Variants in OR52N5 observed in about 807,000 individuals in gnomAD.
The protein encoded by OR52N5 is olfactory receptor 52N5.
OR52N5 carries 10 observed loss-of-function variants against 14.1 expected under a neutral mutation model. That is an observed-to-expected ratio of 0.71 (90% CI 0.44 to 1.20). OR52N5 has a LOEUF of 1.20. Among genes scored for constraint, OR52N5 ranks in the 50% most tolerant of loss-of-function variants. The pLI is 0.00. For missense variants in OR52N5, 361 were observed against 403.2 expected (o/e 0.90, Z 0.90); for synonymous variants, 116 against 143.0 (o/e 0.81, Z 1.35).
rs140721713 is a variant in OR52N5, at chr11:5,778,040, C to T, written c.595G>A (p.Ala199Thr). The T allele has an allele frequency of 3.3e-4, 504 of 1,520,974 alleles. 105 individuals are homozygous for T. In the South Asian group the frequency reaches 5.5e-3, roughly 17 times the overall value. 94.2% of individuals were successfully genotyped at this position (1,520,974 alleles called of 1,614,324 possible). The change falls in exon 3 of 3, where the codon GCC becomes ACC. Residue 199 changes from alanine to threonine, a missense_variant. By Grantham distance (58) the Ala-to-Thr change is moderately conservative. Coordinates refer to ENST00000641181, the MANE Select transcript of OR52N5 (RefSeq NM_001385662.1). The part of the protein sequence containing the change: ...DHMSVVKLSC[A>T]SIKVNVIYGL... ...TAGATTACATTGACCTTGATGCTGG[C>T]ACAAGATAGCTTTACTACAGACATG...
intron 2 of OR52N5, among the ~76,000 whole-genome samples, chr11:5,779,196 C>A (rs1482038811): frequency 7.1e-6 from 1 of 140,252 alleles, no homozygotes; most frequent in Admixed American, 7.3e-5. Flanking sequence ...CTTTATGTCA[C>A]TCTCCAAGCC....
Position 5,778,895 on chromosome 11 carries a change from A to G in OR52N5, c.-23-238T>C, listed in dbSNP as rs1214606319. ...GTTGTATTTTTTTTACCACAAAATA[A>G]AAGTAGAAACTGGGGCGCAGAAAGA... On this transcript the variant is annotated intron_variant, in intron 2 of 2. Coordinates refer to ENST00000641181, the MANE Select transcript of OR52N5 (RefSeq NM_001385662.1). Among the ~76,000 whole-genome samples, 2 of 140,184 alleles carry G rather than the reference A, an allele frequency of 1.4e-5. 1 individual carries two copies. The highest frequency in any genetic ancestry group is 3.2e-5 in the Non-Finnish European group (2 of 63,364). 92.0% of individuals were successfully genotyped at this position (140,184 alleles called of 152,430 possible). A position where few individuals can be genotyped will look rare whatever the true frequency, so the allele number is the denominator to read the frequency against.
At position 5,778,192 on chromosome 11, in the gene OR52N5, G is replaced by T; in HGVS notation, c.443C>A (p.Pro148His). Residue 148 changes from proline to histidine, a missense_variant, in exon 3 of 3, where the codon CCT becomes CAT. Pro to His is a moderately conservative substitution (Grantham distance 77, BLOSUM62 -2). Coordinates refer to ENST00000641181, the MANE Select transcript of OR52N5 (RefSeq NM_001385662.1). ...GGCAAGCTCAGCCTTGGCAATGATAGGGTTGGTGAGTGTGGTAGCATAACG... is the reference window on the plus strand; with the variant it reads ...GGCAAGCTCAGCCTTGGCAATGATATGGTTGGTGAGTGTGGTAGCATAACG... ...PLRYATTLTN[P>H]IIAKAELATF... The T allele has an allele frequency of 2.6e-6, 4 of 1,520,572 alleles. 1 individual carries two copies. In the South Asian group the frequency reaches 3.5e-5, roughly 13 times the overall value. The allele number at this position is 1,520,572 out of a possible 1,614,324, so 94.2% of individuals were successfully genotyped here. A position where few individuals can be genotyped will look rare whatever the true frequency, so the allele number is the denominator to read the frequency against.
Position 5,778,656 on chromosome 11 carries a change from T to C in OR52N5, c.-22A>G. On this transcript the variant is annotated splice_region_variant and 5_prime_UTR_variant, in exon 3 of 3. It removes an upstream start codon present in the reference 5' UTR. Coordinates refer to ENST00000641181, the MANE Select transcript of OR52N5 (RefSeq NM_001385662.1). ...GCATTCTATTTTTCCAGAAGTTTCA[T>C]CCTGAAGAGAAGGAATTATGAAACA... 1 of 1,360,252 alleles carries C rather than the reference T, an allele frequency of 7.4e-7. No homozygotes were observed. Among genetic ancestry groups the C allele is most frequent in the Non-Finnish European group, 9.9e-7 (1 of 1,009,600 alleles). The allele number at this position is 1,360,252 out of a possible 1,614,324, so 84.3% of individuals were successfully genotyped here. A position where few individuals can be genotyped will look rare whatever the true frequency, so the allele number is the denominator to read the frequency against.
In OR52N5 at chr11:5,778,134, A is replaced by G; in HGVS notation, c.501T>C (p.Pro167=). Residue 167 remains proline, a synonymous_variant, in exon 3 of 3, where the codon CCT becomes CCC. Coordinates refer to ENST00000641181, the MANE Select transcript of OR52N5 (RefSeq NM_001385662.1). ...TFLRGVLLMI[P]FPFLVKRLPF... ...GCAAACGCTTAACCAAGAATGGGAAAGGAATCATCAGCAATACACCCCTCA... is the reference window on the plus strand; with the variant it reads ...GCAAACGCTTAACCAAGAATGGGAAGGGAATCATCAGCAATACACCCCTCA... 2 of 1,521,516 alleles carry G rather than the reference A, an allele frequency of 1.3e-6. No individual in the cohort carries two copies. Among genetic ancestry groups the G allele is most frequent in the Non-Finnish European group, 9.0e-7 (1 of 1,114,748 alleles). 94.3% of individuals were successfully genotyped at this position (1,521,516 alleles called of 1,614,324 possible). A position where few individuals can be genotyped will look rare whatever the true frequency, so the allele number is the denominator to read the frequency against.
In OR52N5 at chr11:5,778,154, C is replaced by T. The variant is rs143269628; in HGVS notation, c.481G>A (p.Gly161Ser). The T allele has an allele frequency of 2.6e-6, 4 of 1,520,870 alleles. No individual in the cohort carries two copies. The highest frequency in any genetic ancestry group is 3.6e-6 in the Non-Finnish European group (4 of 1,114,548). The allele number at this position is 1,520,870 out of a possible 1,614,324, so 94.2% of individuals were successfully genotyped here. The change falls in exon 3 of 3, where the codon GGT becomes AGT. Residue 161 changes from glycine (G) to serine (S), a missense_variant. Physicochemically the swap from Gly to Ser is moderately conservative, Grantham distance 56 (BLOSUM62 0). Coordinates refer to ENST00000641181, the MANE Select transcript of OR52N5 (RefSeq NM_001385662.1). ...AKAELATFLR[G>S]VLLMIPFPFL... is the part of the protein sequence containing the mutation. ...GGGAAAGGAATCATCAGCAATACAC[C>T]CCTCAGGAAGGTGGCAAGCTCAGCC...
rs765531222 is a variant in OR52N5 at position 5,777,709 on chromosome 11, A to G, written c.926T>C (p.Ile309Thr). 3 of 1,507,836 alleles carry G rather than the reference A, an allele frequency of 2.0e-6. 1 individual carries two copies. The highest frequency in any genetic ancestry group is 2.4e-5 in the South Asian group (2 of 83,440). 93.4% of individuals were successfully genotyped at this position (1,507,836 alleles called of 1,614,324 possible). Reference protein sequence around the residue: ...PIVYGVKTKQIRKSVIKFFQG... With the variant: ...PIVYGVKTKQTRKSVIKFFQG... ...GAAGAACTTTATGACACTCTTGCGT[A>G]TCTGTTTTGTCTTTACTCCATAAAC... The change falls in exon 3 of 3, where the codon ATA becomes ACA. Residue 309 changes from isoleucine (I) to threonine (T), a missense_variant. By Grantham distance (89) the Ile-to-Thr change is moderately conservative. Coordinates refer to ENST00000641181, the MANE Select transcript of OR52N5 (RefSeq NM_001385662.1).
chr11:5,780,852 G>GA lies in OR52N5; in HGVS notation c.-24+680dup, dbSNP rs538392717. 7.2e-5 allele frequency among the ~76,000 whole-genome samples: 10 copies of GA among 139,444 alleles called. 1 individual carries two copies. The South Asian group carries it at 2.1e-3, about 30-fold the overall frequency. The allele number at this position is 139,444 out of a possible 152,430, so 91.5% of individuals were successfully genotyped here. On this transcript the variant is annotated intron_variant, in intron 2 of 2. Coordinates refer to ENST00000641181, the MANE Select transcript of OR52N5 (RefSeq NM_001385662.1). ...GAAAACTGAATATCCACACTCAGAA[G>GA]AAAAAAATTAGACCCTTATCTCATA...
Position 5,777,449 on chromosome 11 carries a change from T to TA in OR52N5, c.*210dup, listed in dbSNP as rs1310489914. ...AATAAATTGAGTTAAACTCATTTTT[T>TA]AAAAACTGGCAATAGACAAAAATTA... On this transcript the variant is annotated 3_prime_UTR_variant, in exon 3 of 3. Transcript: ENST00000641181. 4 of 327,010 alleles carry TA rather than the reference T, an allele frequency of 1.2e-5. 1 individual carries two copies. The highest frequency in any genetic ancestry group is 5.0e-5 in the Admixed American group (1 of 20,078). 20.3% of individuals were successfully genotyped at this position (327,010 alleles called of 1,614,324 possible).
At position 5,778,598 on chromosome 11, in the gene OR52N5, T is replaced by C; in HGVS notation, c.37A>G (p.Ile13Val). 1 of 1,484,104 alleles carries C rather than the reference T, an allele frequency of 6.7e-7. No individual in the cohort carries two copies. The highest frequency in any genetic ancestry group is 9.2e-7 in the Non-Finnish European group (1 of 1,088,500). 91.9% of individuals were successfully genotyped at this position (1,484,104 alleles called of 1,614,324 possible). A position where few individuals can be genotyped will look rare whatever the true frequency, so the allele number is the denominator to read the frequency against. ...ATAAAAGATGGAGGAGTCACATGAATTGTTGGAAACCAGCATAATGAATTA... is the reference window on the plus strand; with the variant it reads ...ATAAAAGATGGAGGAGTCACATGAACTGTTGGAAACCAGCATAATGAATTA... ...LFNSLCWFPT[I>V]HVTPPSFILN... Residue 13 changes from isoleucine (I) to valine (V), a missense_variant, in exon 3 of 3, where the codon ATT becomes GTT. Ile to Val is a conservative substitution (Grantham distance 29). Coordinates refer to ENST00000641181, the MANE Select transcript of OR52N5 (RefSeq NM_001385662.1).
At chr11:5,783,254 C>T (rs1395783537) in intron 1 of OR52N5, 41 bp downstream of exon 1, 1 of 140,014 alleles carries the variant, frequency 7.1e-6, no homozygotes, top group Non-Finnish European at 1.6e-5. Flanking sequence ...CAAGACAAGG[C>T]TTTGTCACAC....
chr11:5,783,253 G>A (rs1389906299), intron 1 of OR52N5, 42 bp downstream of exon 1: 1 of 139,978 alleles, frequency 7.1e-6, no homozygotes, highest in Non-Finnish European at 1.6e-5. Flanking sequence ...ACAAGACAAG[G>A]CTTTGTCACA....
At position 5,781,672 on chromosome 11, in the gene OR52N5, A is replaced by G. The variant is rs111441353; in HGVS notation, c.-163T>C. 248 of 139,742 alleles carry G rather than the reference A, an allele frequency of 1.8e-3. 43 individuals carry two copies. Among genetic ancestry groups the G allele is most frequent in the Non-Finnish European group, 3.1e-3 (197 of 63,166 alleles). The allele number at this position is 139,742 out of a possible 1,614,324, so 8.7% of individuals were successfully genotyped here. A position where few individuals can be genotyped will look rare whatever the true frequency, so the allele number is the denominator to read the frequency against. On this transcript the variant is annotated 5_prime_UTR_variant, in exon 2 of 3. An upstream open reading frame in the 5' UTR loses its in-frame stop. Transcript: ENST00000641181. ...GAAGGGTGGAGTGATTGATCCTATC[A>G]CTGTTGCATCCTGTGCGGCCTCCTC...
intron 2 of OR52N5, among the ~76,000 whole-genome samples, chr11:5,779,713 T>G (rs1267335906): frequency 7.1e-6 from 1 of 139,910 alleles, no homozygotes; most frequent in Non-Finnish European, 1.6e-5. Flanking sequence ...TTATTATGTC[T>G]AAGACTACAC....
chr11:5,779,662 T>C (rs1854533302), intron 2 of OR52N5, among the ~76,000 whole-genome samples: 1 of 139,898 alleles, frequency 7.1e-6, no homozygotes, highest in Non-Finnish European at 1.6e-5. Context: ...TCTAAATGCA[T>C]GACGACTATT....
chr11:5,778,682 A>C (rs1854524337), intron 2 of OR52N5, 25 bp from the exon 3 acceptor site: 1 of 1,221,252 alleles, frequency 8.2e-7, no homozygotes, highest in Non-Finnish European at 1.1e-6. Context: ...TTATGAAACA[A>C]ATTTCATTCA....
chr11:5,781,544 A>G lies in OR52N5; in HGVS notation c.-35T>C, dbSNP rs2134226779. 1 of 140,776 alleles carries G rather than the reference A, an allele frequency of 7.1e-6. No homozygotes were observed. The highest frequency in any genetic ancestry group is 2.6e-5 in the African/African-American group (1 of 38,562). The allele number at this position is 140,776 out of a possible 1,614,324, so 8.7% of individuals were successfully genotyped here. A position where few individuals can be genotyped will look rare whatever the true frequency, so the allele number is the denominator to read the frequency against. On this transcript the variant is annotated 5_prime_UTR_variant, in exon 2 of 3. Coordinates refer to ENST00000641181, the MANE Select transcript of OR52N5 (RefSeq NM_001385662.1). The stretch of plus-strand genomic sequence containing the variant: ...ATAACAAAACATACCACATCAAGAT[A>G]TGCTGCAGCTTACGACCTTGTGTCA...
At chr11:5,779,988 CTCTT>C (rs1286344185) in intron 2 of OR52N5, among the ~76,000 whole-genome samples, 1 of 139,892 alleles carries the variant, frequency 7.1e-6, no homozygotes, top group Admixed American at 7.4e-5. Context: ...CTTATATCAG[CTCTT>C]TCTTTCTAAC....
rs546033646 is a variant in OR52N5 at position 5,782,211 on chromosome 11, A to AAT, written c.-247-457_-247-456dup. Among the ~76,000 whole-genome samples the AAT allele has an allele frequency of 3.9e-3, 540 of 139,386 alleles. 84 individuals carry two copies. In the East Asian group the frequency reaches 0.048, roughly 12 times the overall value. The allele number at this position is 139,386 out of a possible 152,430, so 91.4% of individuals were successfully genotyped here. A position where few individuals can be genotyped will look rare whatever the true frequency, so the allele number is the denominator to read the frequency against. On this transcript the variant is annotated intron_variant, in intron 1 of 2. Transcript: ENST00000641181. ...ACATATTTCATTTGTAAAATTAAAA[A>AAT]ATATATATATATTATCGACTGTATC...
Sources: allele counts gnomAD v4.1 joint callset (sites outside exome capture counted in the v4.1 genomes callset), GRCh38; gene constraint gnomAD v4.1.1; transcripts MANE v1.5; gene names NCBI Gene and HGNC (gene_info 2026-07-23, HGNC 2026-07-21).